Variants in PCDH9 observed in about 807,000 individuals in gnomAD.
PCDH9 encodes protocadherin 9, also known as protocadherin-9.
PCDH9 carries 24 observed loss-of-function variants against 70.6 expected under a neutral mutation model. The ratio of observed to expected loss-of-function variants is 0.34; its 90% CI spans 0.25 to 0.48. The LOEUF (loss-of-function observed/expected upper bound fraction) is 0.48, where lower values mean the gene tolerates loss of function less well. Ranked by LOEUF, PCDH9 falls within the 20% of genes least tolerant of loss-of-function variation. The pLI, the probability that PCDH9 is intolerant of heterozygous loss-of-function variation, is 0.99. For missense variants in PCDH9, 1,281 were observed against 1,503.6 expected (o/e 0.85, Z 2.45); for synonymous variants, 562 against 558.5 (o/e 1.01, Z -0.09).
At chr13:66,504,036 G>C (rs1227279357) in intron 4 of PCDH9, among the ~76,000 whole-genome samples, 1 of 152,118 alleles carries the variant, frequency 6.6e-6, no homozygotes, top group African/African-American at 2.4e-5. Context: ...ATATGCTAAG[G>C]ACAGACACAC....
chr13:66,519,361 G>A (rs1314333840), intron 4 of PCDH9, among the ~76,000 whole-genome samples: 1 of 151,770 alleles, frequency 6.6e-6, no homozygotes. Flanking sequence ...ACCATTAATC[G>A]GGTTATGCAC....
intron 4 of PCDH9, among the ~76,000 whole-genome samples, chr13:66,474,146 T>C (rs780892556): frequency 2.0e-5 from 3 of 152,212 alleles, no homozygotes; most frequent in African/African-American, 7.2e-5. Context: ...TCATCATGAC[T>C]AAATTTAGTC....
intron 3 of PCDH9, among the ~76,000 whole-genome samples, chr13:66,802,719 TATA>T (rs2080346332): frequency 6.6e-6 from 1 of 152,170 alleles, no homozygotes; most frequent in African/African-American, 2.4e-5. Context: ...AAATGTTTTT[TATA>T]TAGCATTGCA....
In PCDH9 at chr13:67,000,446, C is replaced by T. The variant is rs2084219450; in HGVS notation, c.3037-96841G>A. Among the ~76,000 whole-genome samples the T allele has an allele frequency of 3.3e-5, 5 of 151,508 alleles. No homozygotes were observed. The South Asian group carries it at 1.0e-3, about 32-fold the overall frequency. On this transcript the variant is annotated intron_variant, in intron 2 of 4. Transcript: ENST00000377865. The stretch of plus-strand genomic sequence containing the variant: ...TGTATACATATGTAACTAACCTGCA[C>T]ATTGTGCACATGTACCCTAAAACTT...
chr13:67,203,972 C>G (rs918411531), intron 2 of PCDH9: 1 of 151,958 alleles, frequency 6.6e-6, no homozygotes, highest in African/African-American at 2.4e-5. Context: ...ATTAGGGCAG[C>G]TCAATATATT....
intron 4 of PCDH9, among the ~76,000 whole-genome samples, chr13:66,573,764 T>G (rs902961372): frequency 1.3e-5 from 2 of 151,992 alleles, no homozygotes; most frequent in Non-Finnish European, 2.9e-5. Context: ...TTTGTTTGTT[T>G]GTTTTTTTGG....
intron 4 of PCDH9, among the ~76,000 whole-genome samples, chr13:66,585,188 AT>A (rs925221397): frequency 2.6e-5 from 4 of 152,052 alleles, no homozygotes; most frequent in African/African-American, 9.7e-5. Flanking sequence ...GCATGCATTT[AT>A]TTATTTTATT....
At chr13:66,737,626 C>T (rs569480463) in intron 3 of PCDH9, among the ~76,000 whole-genome samples, 11 of 152,178 alleles carry the variant, frequency 7.2e-5, no homozygotes, top group South Asian at 2.1e-4. Context: ...TGGGCGCAGG[C>T]CAGTGGGTGC....
At chr13:67,142,766 C>T (rs2087425987) in intron 2 of PCDH9, among the ~76,000 whole-genome samples, 1 of 151,102 alleles carries the variant, frequency 6.6e-6, no homozygotes, top group Non-Finnish European at 1.5e-5. Context: ...TTTGGGAGGC[C>T]GAGGCGGGCG....
intron 4 of PCDH9, among the ~76,000 whole-genome samples, chr13:66,504,541 A>C: frequency 6.6e-6 from 1 of 152,100 alleles, no homozygotes; most frequent in East Asian, 1.9e-4. Context: ...GAGGAAGAAA[A>C]TGGTGATTTT....
At chr13:66,720,199 C>T (rs971070085) in intron 3 of PCDH9, among the ~76,000 whole-genome samples, 3 of 151,858 alleles carry the variant, frequency 2.0e-5, no homozygotes, top group Non-Finnish European at 4.4e-5. Flanking sequence ...GTTACCCAGG[C>T]TGGAGTACAG....
intron 3 of PCDH9, among the ~76,000 whole-genome samples, chr13:66,780,214 C>A (rs576604690): frequency 6.6e-6 from 1 of 151,942 alleles, no homozygotes. Context: ...CGCTGTATAC[C>A]TTAACTGTAG....
At chr13:66,662,016 T>C (rs1286324402) in intron 3 of PCDH9, among the ~76,000 whole-genome samples, 1 of 150,856 alleles carries the variant, frequency 6.6e-6, no homozygotes, top group African/African-American at 2.5e-5. Flanking sequence ...AGCTGTGGCA[T>C]GATGAAAAAT....
In PCDH9 at chr13:66,578,050, G is replaced by T. The variant is rs1347075490; in HGVS notation, c.3340+53160C>A. Among the ~76,000 whole-genome samples the T allele has an allele frequency of 1.1e-4, 17 of 152,112 alleles. No homozygotes were observed. In the East Asian group the frequency reaches 3.3e-3, roughly 29 times the overall value. On this transcript the variant is annotated intron_variant, in intron 4 of 4. Coordinates refer to ENST00000377865, the MANE Select transcript of PCDH9 (RefSeq NM_203487.3). ...GTATACCATATATTTATCAAGAGAT[G>T]ATATAGATTATCTAAAAGTTTATTT...
intron 2 of PCDH9, among the ~76,000 whole-genome samples, chr13:67,135,607 A>G (rs974172891): frequency 6.6e-6 from 1 of 152,140 alleles, no homozygotes; most frequent in Non-Finnish European, 1.5e-5. Flanking sequence ...TGTTTATGAG[A>G]TCCCAACAAT....
At chr13:66,400,209 C>G (rs910537945) in intron 4 of PCDH9, among the ~76,000 whole-genome samples, 1 of 152,124 alleles carries the variant, frequency 6.6e-6, no homozygotes, top group Admixed American at 6.6e-5. Flanking sequence ...TGGCATGAAA[C>G]CTATCTACCT....
intron 2 of PCDH9, among the ~76,000 whole-genome samples, chr13:66,911,293 T>C (rs2082461670): frequency 6.6e-6 from 1 of 152,120 alleles, no homozygotes; most frequent in African/African-American, 2.4e-5. Context: ...ACAATTCTGC[T>C]AAATGAATAA....
At chr13:66,597,172 A>G (rs558411354) in intron 4 of PCDH9, among the ~76,000 whole-genome samples, 43 of 151,786 alleles carry the variant, frequency 2.8e-4, no homozygotes, top group Non-Finnish European at 5.3e-4. Flanking sequence ...CAATATTGTT[A>G]AAAATATCCA....
chr13:67,044,553 T>G (rs1265375486), intron 2 of PCDH9, among the ~76,000 whole-genome samples: 1 of 152,166 alleles, frequency 6.6e-6, no homozygotes, highest in East Asian at 1.9e-4. Context: ...AATTATGCCC[T>G]AAGCTTGCTC....
Sources: gnomAD v4.1 joint callset for allele counts (sites outside exome capture counted in the v4.1 genomes callset) on GRCh38, gnomAD v4.1.1 for gene constraint, MANE v1.5 for transcripts, NCBI Gene and HGNC (gene_info 2026-07-23, HGNC 2026-07-21) for gene names.